The following EFCAB3 variants were observed in gnomAD, a reference collection of about 807,000 sequenced individuals.
The protein encoded by EFCAB3 is EF-hand calcium-binding domain-containing protein 3.
In EFCAB3, 36 loss-of-function variants were observed where a neutral mutation model predicts 42.2. The observed-to-expected ratio is 0.85, with a 90% confidence interval of 0.65 to 1.13. The LOEUF (loss-of-function observed/expected upper bound fraction) is 1.13. EFCAB3 is among the 50% of genes most tolerant of loss of function. The pLI, the probability that EFCAB3 is intolerant of heterozygous loss-of-function variation, is 0.00. For missense variants in EFCAB3, 418 were observed against 505.1 expected, an observed-to-expected ratio of 0.83 and a Z score of 1.65; for synonymous variants, 170 against 172.8, an observed-to-expected ratio of 0.98 and a Z score of 0.13.
intron 1 of EFCAB3, chr17:62,370,351 C>T: frequency 1.3e-6 from 2 of 1,550,578 alleles, no homozygotes; most frequent in South Asian, 1.2e-5. Flanking sequence ...AATTATGTTA[C>T]CTTCTTAGAA....
chr17:62,411,713 G>A (rs1217508662), intron 8 of EFCAB3, among the ~76,000 whole-genome samples: 2 of 151,526 alleles, frequency 1.3e-5, no homozygotes, highest in Non-Finnish European at 2.9e-5. Context: ...GTTGCAGTGA[G>A]CCGAGATTTG....
intron 3 of EFCAB3, among the ~76,000 whole-genome samples, chr17:62,389,915 T>C (rs1008811677): frequency 6.6e-6 from 1 of 152,034 alleles, no homozygotes; most frequent in African/African-American, 2.4e-5. Flanking sequence ...GCCTCTTGAG[T>C]AGCTGGGACT....
intron 6 of EFCAB3, among the ~76,000 whole-genome samples, chr17:62,403,799 C>T (rs962130140): frequency 6.6e-6 from 1 of 152,184 alleles, no homozygotes; most frequent in Non-Finnish European, 1.5e-5. Flanking sequence ...CAAGCCTGCA[C>T]TACCATGCCT....
At chr17:62,393,162 A>G (rs887888687) in intron 4 of EFCAB3, among the ~76,000 whole-genome samples, 4 of 152,220 alleles carry the variant, frequency 2.6e-5, no homozygotes, top group Non-Finnish European at 5.9e-5. Flanking sequence ...GGAAACATAC[A>G]CATACCCCTC....
upstream of EFCAB3, chr17:62,377,870 T>G: frequency 1.1e-6 from 1 of 914,292 alleles, no homozygotes. Flanking sequence ...ATTTTTTCAC[T>G]CATCTGGGGA....
rs1237628464 is a variant in EFCAB3 at position 62,412,361 on chromosome 17, CAAAAAA to C, written c.868-1355_868-1350del. Among the ~76,000 whole-genome samples, 657 of 65,932 alleles carry C rather than the reference CAAAAAA, an allele frequency of 1.0e-2. 11 individuals are homozygous for C. Among genetic ancestry groups the C allele is most frequent in the African/African-American group, 0.029 (592 of 20,346 alleles). 43.3% of individuals were successfully genotyped at this position (65,932 alleles called of 152,430 possible). A position where few individuals can be genotyped will look rare whatever the true frequency, so the allele number is the denominator to read the frequency against. On this transcript the variant is annotated intron_variant, in intron 8 of 9. Coordinates refer to ENST00000305286, the MANE Select transcript of EFCAB3 (RefSeq NM_173503.4). ...ACTGCACTCCAGCGAGACTCTGTCT[CAAAAAA>C]AAAAAAAAAAAAAAAGAATGTTTGA...
chr17:62,377,988 C>G (rs2070163619), upstream of EFCAB3: 1 of 1,549,310 alleles, frequency 6.5e-7, no homozygotes, highest in Non-Finnish European at 8.7e-7. Context: ...GGTGACTCTG[C>G]ATAAGTTGAA....
chr17:62,395,327 C>G, intron 6 of EFCAB3, 139 bp downstream of exon 6: 3 of 1,094,192 alleles, frequency 2.7e-6, no homozygotes, highest in Non-Finnish European at 3.9e-6. Flanking sequence ...TGGGCAAATG[C>G]CCTTGTGCTA....
intron 1 of EFCAB3, chr17:62,381,810 G>A (rs958415701): frequency 1.4e-5 from 6 of 432,182 alleles, no homozygotes; most frequent in Non-Finnish European, 2.3e-5. Context: ...TGAGCTGAAT[G>A]GAAAAAGCAT....
chr17:62,386,525 C>T (rs189829155), intron 2 of EFCAB3, among the ~76,000 whole-genome samples: 52 of 151,558 alleles, frequency 3.4e-4, no homozygotes, highest in Non-Finnish European at 6.0e-4. Flanking sequence ...TAAGGGTATT[C>T]ACCACAACAA....
At chr17:62,413,602 G>A in intron 8 of EFCAB3, 130 bp from the exon 9 acceptor site, 3 of 908,176 alleles carry the variant, frequency 3.3e-6, no homozygotes, top group Non-Finnish European at 4.7e-6. Context: ...ACAAACAAAT[G>A]GTTTGGCAAT....
rs376815592 is a variant in EFCAB3, at chr17:62,401,965, T to C, written c.489-4515T>C. Among the ~76,000 whole-genome samples, 16 of 152,210 alleles carry C rather than the reference T, an allele frequency of 1.1e-4. No individual in the cohort carries two copies. In the East Asian group the frequency reaches 2.5e-3, roughly 24 times the overall value. ...TTGTTTGTGTCTTCTTTTATTTCGT[T>C]GAGCAGTGGTTTGTAATTATCCTTG... On this transcript the variant is annotated intron_variant, in intron 6 of 9. Transcript: ENST00000305286.
intron 1 of EFCAB3, chr17:62,381,857 C>T: frequency 4.6e-6 from 2 of 430,114 alleles, no homozygotes; most frequent in East Asian, 7.1e-5. Flanking sequence ...GCAAGGTTGC[C>T]AGTGTACCTG....
chr17:62,388,376 G>T (rs1220148580), intron 3 of EFCAB3, among the ~76,000 whole-genome samples: 1 of 152,190 alleles, frequency 6.6e-6, no homozygotes, highest in Non-Finnish European at 1.5e-5. Context: ...TGACGAACAG[G>T]AGTAAATCAG....
At chr17:62,383,252 G>A in intron 2 of EFCAB3, 199 bp downstream of exon 2, 2 of 460,886 alleles carry the variant, frequency 4.3e-6, no homozygotes. Context: ...GAGGTGGGCG[G>A]ATCATGAGGT....
chr17:62,415,962 C>T, intron 9 of EFCAB3, 41 bp from the exon 10 acceptor site: 1 of 1,501,416 alleles, frequency 6.7e-7, no homozygotes, highest in Non-Finnish European at 9.0e-7. Context: ...ATCAAAGCTA[C>T]TTTAAGGTAA....
intron 6 of EFCAB3, among the ~76,000 whole-genome samples, chr17:62,403,179 C>T (rs2070419100): frequency 6.6e-6 from 1 of 152,130 alleles, no homozygotes; most frequent in Non-Finnish European, 1.5e-5. Flanking sequence ...CATGGTTTTG[C>T]CATCTCAGTG....
chr17:62,415,206 C>G (rs1888748777), intron 9 of EFCAB3, among the ~76,000 whole-genome samples: 1 of 152,202 alleles, frequency 6.6e-6, no homozygotes, highest in African/African-American at 2.4e-5. Flanking sequence ...CAGTCTCCAA[C>G]CTGGTATCCT....
chr17:62,390,029 A>G (rs981485459), intron 3 of EFCAB3, among the ~76,000 whole-genome samples: 6 of 151,738 alleles, frequency 4.0e-5, no homozygotes, highest in African/African-American at 9.7e-5. Context: ...CTCGTGATCC[A>G]CCCACCTTGG....
Sources: gnomAD v4.1 joint callset for allele counts (sites outside exome capture counted in the v4.1 genomes callset) on GRCh38, gnomAD v4.1.1 for gene constraint, MANE v1.5 for transcripts, NCBI Gene and HGNC (gene_info 2026-07-23, HGNC 2026-07-21) for gene names.